The following SDC3 variants were observed in gnomAD, a reference collection of about 807,000 sequenced individuals.
The protein encoded by SDC3 is syndecan-3.
A neutral mutation model predicts 24.4 loss-of-function variants in SDC3; 13 were observed. That is an observed-to-expected ratio of 0.53 (90% CI 0.35 to 0.85). The LOEUF (loss-of-function observed/expected upper bound fraction) is 0.85. Ranked by LOEUF, SDC3 falls within the 40% of genes least tolerant of loss-of-function variation. The probability of loss-of-function intolerance (pLI) is 0.01; values close to 1 mark genes in which losing one functional copy is unlikely to be tolerated. For synonymous variants in SDC3, 295 were observed against 260.9 expected (o/e 1.13, Z -1.26); for missense variants, 571 against 584.5 (o/e 0.98, Z 0.24).
At chr1:30,875,467 G>C (rs1287254010) in intron 3 of SDC3, among the ~76,000 whole-genome samples, 1 of 152,184 alleles carries the variant, frequency 6.6e-6, no homozygotes, top group African/African-American at 2.4e-5. Flanking sequence ...TGCTAGAGCT[G>C]GCTGGGGAGT....
At chr1:30,878,997 C>A in intron 1 of SDC3, 1 of 475,108 alleles carries the variant, frequency 2.1e-6, no homozygotes, top group Non-Finnish European at 3.8e-6. Flanking sequence ...GGTCATTTTT[C>A]ATCTTGACTG....
chr1:30,869,536 CAAAAAA>C lies in SDC3; in HGVS notation c.*3669_*3674del, dbSNP rs11338317. On this transcript the variant is annotated 3_prime_UTR_variant, in exon 5 of 5. Transcript: ENST00000339394. Reference sequence around the variant, plus strand: ...AGGAAGTGTTAAAAAAACAAACAAACAAAAAAAAAAAAAAAAAAAAAAAAACAAAAA... The same window carrying C: ...AGGAAGTGTTAAAAAAACAAACAAACAAAAAAAAAAAAAAAAAAACAAAAA... 13 of 348,286 alleles carry C rather than the reference CAAAAAA, an allele frequency of 3.7e-5. No homozygotes were observed. Among genetic ancestry groups the C allele is most frequent in the Admixed American group, 1.6e-4 (3 of 18,298 alleles). The allele number at this position is 348,286 out of a possible 1,614,324, so 21.6% of individuals were successfully genotyped here. A position where few individuals can be genotyped will look rare whatever the true frequency, so the allele number is the denominator to read the frequency against.
At chr1:30,894,300 TGG>T (rs1023599118) in intron 1 of SDC3, among the ~76,000 whole-genome samples, 25 of 120,302 alleles carry the variant, frequency 2.1e-4, no homozygotes, top group South Asian at 1.1e-3. Context: ...AGAGAGTGTG[TGG>T]GGGTGTGTGT....
chr1:30,905,960 GACACACAC>G (rs140209147), intron 1 of SDC3, among the ~76,000 whole-genome samples: 1 of 147,472 alleles, frequency 6.8e-6, no homozygotes, highest in Non-Finnish European at 1.5e-5. Context: ...AAGACACGAA[GACACACAC>G]ACACACACAC....
rs530246753 is a variant in SDC3, at chr1:30,869,887, G to A, written c.*3324C>T. The A allele has an allele frequency of 1.1e-4, 42 of 398,614 alleles. No individual in the cohort carries two copies. The East Asian group carries it at 1.1e-3, about 10-fold the overall frequency. The allele number at this position is 398,614 out of a possible 1,614,324, so 24.7% of individuals were successfully genotyped here. ...AAAAATATTTACATGCATTTGCCAC[G>A]CTGAGGCCAGGGTCACTGTGGTGCC... On this transcript the variant is annotated 3_prime_UTR_variant, in exon 5 of 5. Transcript: ENST00000339394.
At chr1:30,905,667 TCCCTTCCAG>T (rs1257529073) in intron 1 of SDC3, among the ~76,000 whole-genome samples, 1 of 151,904 alleles carries the variant, frequency 6.6e-6, no homozygotes, top group Middle Eastern at 3.2e-3. Flanking sequence ...ACACCTAAGA[TCCCTTCCAG>T]CCCTGGACTT....
chr1:30,878,413 G>GTC, intron 2 of SDC3: 1 of 515,024 alleles, frequency 1.9e-6, no homozygotes, highest in Admixed American at 3.2e-5. Flanking sequence ...GGACATTCTG[G>GTC]GCCCTGAGGT....
chr1:30,869,946 C>T lies in SDC3; in HGVS notation c.*3265G>A, dbSNP rs534124275. On this transcript the variant is annotated 3_prime_UTR_variant, in exon 5 of 5. Coordinates refer to ENST00000339394, the MANE Select transcript of SDC3 (RefSeq NM_014654.4). Reference sequence around the variant, plus strand: ...ACCTGGGGGATGCTGGGGCCATCGGCTCTCAGATGGCAACTCCCAGGGCCC... The same window carrying T: ...ACCTGGGGGATGCTGGGGCCATCGGTTCTCAGATGGCAACTCCCAGGGCCC... 34 of 398,558 alleles carry T rather than the reference C, an allele frequency of 8.5e-5. No individual in the cohort carries two copies. The highest frequency in any genetic ancestry group is 1.3e-4 in the South Asian group (1 of 7,784). 24.7% of individuals were successfully genotyped at this position (398,558 alleles called of 1,614,324 possible). A position where few individuals can be genotyped will look rare whatever the true frequency, so the allele number is the denominator to read the frequency against.
intron 1 of SDC3, among the ~76,000 whole-genome samples, chr1:30,907,759 ACGCCCACACACAGGGTTACC>A (rs1470962270): frequency 6.6e-6 from 1 of 151,870 alleles, no homozygotes; most frequent in Non-Finnish European, 1.5e-5. Flanking sequence ...ACGCCCACAC[ACGCCCACACACAGGGTTACC>A]CTCACTCCCC....
intron 1 of SDC3, among the ~76,000 whole-genome samples, chr1:30,905,633 A>G (rs1638504651): frequency 6.6e-6 from 1 of 152,032 alleles, no homozygotes; most frequent in Admixed American, 6.6e-5. Context: ...GTCTCCCATC[A>G]CTGGGAGTAT....
At chr1:30,908,123 G>A in intron 1 of SDC3, among the ~76,000 whole-genome samples, 1 of 152,000 alleles carries the variant, frequency 6.6e-6, no homozygotes, top group Non-Finnish European at 1.5e-5. Flanking sequence ...CAGGGCTGAG[G>A]ACCCGCGATC....
intron 1 of SDC3, among the ~76,000 whole-genome samples, chr1:30,902,386 G>C (rs906812747): frequency 3.9e-5 from 6 of 152,220 alleles, no homozygotes; most frequent in African/African-American, 1.4e-4. Context: ...ATGGCGGGAG[G>C]GGGGCCGGAA....
rs751543144 is a variant in SDC3, at chr1:30,873,291, C to T, written c.1249G>A (p.Gly417Ser). 3 of 1,612,670 alleles carry T rather than the reference C, an allele frequency of 1.9e-6. No homozygotes were observed. Among genetic ancestry groups the T allele is most frequent in the African/African-American group, 2.7e-5 (2 of 74,882 alleles). Reference sequence around the variant, plus strand: ...TTGGGTTCCTCCAGCGTGTAGCTGCCCTCATCCTTTTTCTTCATACGATAG... The same window carrying T: ...TTGGGTTCCTCCAGCGTGTAGCTGCTCTCATCCTTTTTCTTCATACGATAG... ...LIYRMKKKDEGSYTLEEPKQA... is the reference protein window; with the variant it reads ...LIYRMKKKDESSYTLEEPKQA... Residue 417 changes from glycine to serine, a missense_variant, in exon 5 of 5, where the codon GGC (glycine) becomes AGC (serine). This residue lies in a region of SDC3 where 74 missense variants were observed against 112.9 expected (regional missense o/e 0.66). Transcript: ENST00000339394.
intron 3 of SDC3, among the ~76,000 whole-genome samples, chr1:30,875,303 G>A (rs1448887062): frequency 6.6e-6 from 1 of 152,204 alleles, no homozygotes; most frequent in Non-Finnish European, 1.5e-5. Flanking sequence ...AGCGTACACA[G>A]CGTGCACAAT....
Position 30,874,401 on chromosome 1 carries a change from C to A in SDC3, c.1058G>T (p.Gly353Val), listed in dbSNP as rs773045901. ...CAGGAGGCCAGGGCCCGGGCGGGCA[C>A]CCTTGGGCAGTGTCCCAGGTGGAGA... ...ASSPPGTLPK[G>V]ARPGPGLLDN... is the part of the protein sequence containing the mutation. Residue 353 changes from glycine to valine, a missense_variant, in exon 4 of 5, where the codon GGT (glycine) becomes GTT (valine). Physicochemically the swap from Gly to Val is moderately radical, Grantham distance 109. Transcript: ENST00000339394. 6.2e-7 allele frequency: 1 copy of A among 1,614,150 alleles called. No individual in the cohort carries two copies. Among genetic ancestry groups the A allele is most frequent in the South Asian group, 1.1e-5 (1 of 91,084 alleles).
upstream of SDC3, among the ~76,000 whole-genome samples, chr1:30,909,137 C>T (rs918636335): frequency 6.6e-6 from 1 of 152,180 alleles, no homozygotes; most frequent in Non-Finnish European, 1.5e-5. Flanking sequence ...CTACAGCCTC[C>T]CCCTGTGGCT....
intron 1 of SDC3, among the ~76,000 whole-genome samples, chr1:30,893,846 T>G (rs574631242): frequency 6.6e-6 from 1 of 152,232 alleles, no homozygotes; most frequent in East Asian, 1.9e-4. Context: ...CCTGCCGGCA[T>G]CCAGAGTGTG....
At chr1:30,887,545 A>G (rs1639847589) in intron 1 of SDC3, among the ~76,000 whole-genome samples, 1 of 151,976 alleles carries the variant, frequency 6.6e-6, no homozygotes. Flanking sequence ...AAATCCACCC[A>G]AACGACGTCC....
At chr1:30,892,106 C>A (rs1194714221) in intron 1 of SDC3, among the ~76,000 whole-genome samples, 1 of 152,034 alleles carries the variant, frequency 6.6e-6, no homozygotes, top group Non-Finnish European at 1.5e-5. Flanking sequence ...CAGCTACAGG[C>A]TCTTCCTCTC....
Sources: gnomAD v4.1 joint callset for allele counts (sites outside exome capture counted in the v4.1 genomes callset) on GRCh38, gnomAD v4.1.1 for gene constraint, gnomAD v4.1.1 regional missense constraint, MANE v1.5 for transcripts, NCBI Gene and HGNC (gene_info 2026-07-23, HGNC 2026-07-21) for gene names.